Variants in AKT3 observed in about 807,000 individuals in gnomAD.
The protein encoded by AKT3 is AKT serine/threonine kinase 3, also known as RAC-gamma serine/threonine-protein kinase.
AKT3 carries 15 observed loss-of-function variants against 65.3 expected under a neutral mutation model. That is an observed-to-expected ratio of 0.23 (90% CI 0.15 to 0.35). The LOEUF (loss-of-function observed/expected upper bound fraction) is 0.35, where lower values mean the gene tolerates loss of function less well. Among genes scored for constraint, AKT3 ranks in the 10% least tolerant of loss-of-function variants. The pLI, the probability that AKT3 is intolerant of heterozygous loss-of-function variation, is 1.00. For missense variants in AKT3, 243 were observed against 576.5 expected, an observed-to-expected ratio of 0.42 and a Z score of 5.92; for synonymous variants, 206 against 183.8, an observed-to-expected ratio of 1.12 and a Z score of -0.98.
At chr1:243,557,023 A>T (rs1451706516) in intron 10 of AKT3, among the ~76,000 whole-genome samples, 1 of 152,142 alleles carries the variant, frequency 6.6e-6, no homozygotes, top group Non-Finnish European at 1.5e-5. Flanking sequence ...TGTACGCTTT[A>T]TGGCCACCTC....
chr1:243,704,048 G>T (rs1685639949), intron 2 of AKT3, among the ~76,000 whole-genome samples: 1 of 152,046 alleles, frequency 6.6e-6, no homozygotes, highest in Non-Finnish European at 1.5e-5. Context: ...CTATTCTGAT[G>T]TCTATGCAAT....
At chr1:243,492,646 C>T (rs797013605) in intron 13 of AKT3, among the ~76,000 whole-genome samples, 13 of 100,314 alleles carry the variant, frequency 1.3e-4, no homozygotes, top group African/African-American at 4.3e-4. Context: ...TTGTTCTTGT[C>T]GCCCAGGCTG....
chr1:243,601,614 G>A (rs1677008491), intron 8 of AKT3, among the ~76,000 whole-genome samples: 2 of 152,088 alleles, frequency 1.3e-5, no homozygotes, highest in Admixed American at 1.3e-4. Flanking sequence ...ATTTGTACTG[G>A]AATATTCACG....
chr1:243,555,658 A>G (rs562409993), intron 10 of AKT3, among the ~76,000 whole-genome samples: 1 of 152,198 alleles, frequency 6.6e-6, no homozygotes, highest in East Asian at 1.9e-4. Flanking sequence ...TTTCATGGTT[A>G]TTGTGAGGGC....
At chr1:243,576,770 G>T (rs1473733309) in intron 8 of AKT3, among the ~76,000 whole-genome samples, 1 of 152,054 alleles carries the variant, frequency 6.6e-6, no homozygotes, top group South Asian at 2.1e-4. Flanking sequence ...TGAATATGAA[G>T]AATCAATATT....
At chr1:243,551,939 T>C (rs1673095171) in intron 11 of AKT3, among the ~76,000 whole-genome samples, 1 of 152,176 alleles carries the variant, frequency 6.6e-6, no homozygotes, top group African/African-American at 2.4e-5. Flanking sequence ...TGTACAATTA[T>C]TTTTTGCCAT....
intron 2 of AKT3, among the ~76,000 whole-genome samples, chr1:243,827,831 C>A (rs1694263109): frequency 1.3e-5 from 2 of 152,018 alleles, no homozygotes; most frequent in Admixed American, 6.6e-5. Context: ...TTACTACAGA[C>A]AAACATGAAT....
intron 2 of AKT3, among the ~76,000 whole-genome samples, chr1:243,766,230 C>T (rs1689809817): frequency 6.6e-6 from 1 of 152,130 alleles, no homozygotes; most frequent in Admixed American, 6.5e-5. Context: ...GCACTGCTCT[C>T]AACTGGTGAG....
intron 12 of AKT3, among the ~76,000 whole-genome samples, chr1:243,521,025 G>T (rs1670687397): frequency 1.3e-5 from 2 of 152,190 alleles, no homozygotes; most frequent in African/African-American, 4.8e-5. Flanking sequence ...GTCTCTGAAG[G>T]TAAGAGATTC....
intron 2 of AKT3, among the ~76,000 whole-genome samples, chr1:243,803,283 A>G (rs1692489452): frequency 6.6e-6 from 1 of 152,134 alleles, no homozygotes; most frequent in Non-Finnish European, 1.5e-5. Flanking sequence ...CTGCCTCCAA[A>G]GCCAGCTGTA....
chr1:243,543,581 C>A (rs1347486953), intron 12 of AKT3, among the ~76,000 whole-genome samples: 1 of 152,126 alleles, frequency 6.6e-6, no homozygotes, highest in African/African-American at 2.4e-5. Context: ...AGACAGCAAG[C>A]CCTTCTTCCT....
At chr1:243,637,372 A>C (rs948251027) in intron 6 of AKT3, among the ~76,000 whole-genome samples, 1 of 152,164 alleles carries the variant, frequency 6.6e-6, no homozygotes, top group Non-Finnish European at 1.5e-5. Context: ...ACATGCAAAC[A>C]TAAACATTTC....
chr1:243,708,742 T>C (rs373180107), intron 2 of AKT3, among the ~76,000 whole-genome samples: 2 of 152,030 alleles, frequency 1.3e-5, no homozygotes, highest in African/African-American at 4.8e-5. Flanking sequence ...GTAGAATAAT[T>C]TGTTTTTAAA....
chr1:243,835,781 T>A (rs1475974631), intron 2 of AKT3, among the ~76,000 whole-genome samples: 7 of 151,804 alleles, frequency 4.6e-5, no homozygotes, highest in Non-Finnish European at 8.8e-5. Context: ...CTGAAAAAAA[T>A]TCAATTAACT....
intron 3 of AKT3, among the ~76,000 whole-genome samples, chr1:243,689,947 A>G (rs1268242797): frequency 6.6e-6 from 1 of 152,168 alleles, no homozygotes; most frequent in Non-Finnish European, 1.5e-5. Flanking sequence ...CTTGTCTTAA[A>G]AAACAAAAAA....
chr1:243,779,726 C>T (rs72761659), intron 2 of AKT3, among the ~76,000 whole-genome samples: 3,471 of 152,040 alleles, frequency 0.023, 71 homozygotes, highest in Non-Finnish European at 0.04. Flanking sequence ...CTATTTTCCA[C>T]TAAGAAGAAC....
chr1:243,697,851 T>C (rs1409782928), intron 2 of AKT3, among the ~76,000 whole-genome samples: 1 of 152,030 alleles, frequency 6.6e-6, no homozygotes, highest in Admixed American at 6.6e-5. Flanking sequence ...ATACTCTACA[T>C]GCCCAAGCTG....
chr1:243,600,343 T>C (rs549176250), intron 8 of AKT3, among the ~76,000 whole-genome samples: 6 of 152,226 alleles, frequency 3.9e-5, no homozygotes, highest in South Asian at 2.1e-4. Flanking sequence ...GGAAATTGGA[T>C]AGCAAAACCA....
intron 1 of AKT3, among the ~76,000 whole-genome samples, chr1:243,843,893 AC>A (rs2148479243): frequency 6.6e-6 from 1 of 151,358 alleles, no homozygotes; most frequent in South Asian, 2.1e-4. Context: ...CTCATGATCC[AC>A]CCGCCTCAGC....
Sources: gnomAD v4.1 joint callset for allele counts (sites outside exome capture counted in the v4.1 genomes callset) on GRCh38, gnomAD v4.1.1 for gene constraint, MANE v1.5 for transcripts, NCBI Gene and HGNC (gene_info 2026-07-23, HGNC 2026-07-21) for gene names.